Variants in RALGAPA1 observed in about 807,000 individuals in gnomAD.
The protein encoded by RALGAPA1 is ral GTPase-activating protein subunit alpha-1.
Under a neutral mutation model 269.6 loss-of-function variants are expected in RALGAPA1, and 52 were observed. That is an observed-to-expected ratio of 0.19 (90% confidence interval 0.15 to 0.24). The LOEUF (loss-of-function observed/expected upper bound fraction) is 0.24, where lower values mean the gene tolerates loss of function less well. Among genes scored for constraint, RALGAPA1 ranks in the 10% least tolerant of loss-of-function variants. RALGAPA1 has a pLI of 1.00. For missense variants in RALGAPA1, 1,917 were observed against 3,013.9 expected, an observed-to-expected ratio of 0.64 and a Z score of 8.52; for synonymous variants, 817 against 1,008.3, an observed-to-expected ratio of 0.81 and a Z score of 3.60.
intron 37 of RALGAPA1, among the ~76,000 whole-genome samples, chr14:35,588,514 T>C (rs906211270): frequency 6.6e-6 from 1 of 152,230 alleles, no homozygotes; most frequent in Non-Finnish European, 1.5e-5. Flanking sequence ...TGTTCCACTT[T>C]TAGGTTTGCA....
chr14:35,727,310 C>CAT (rs34288628), intron 13 of RALGAPA1, among the ~76,000 whole-genome samples: 8,755 of 104,162 alleles, frequency 0.084, 454 homozygotes, highest in African/African-American at 0.13. Context: ...AAAATTATGG[C>CAT]ATATATATAT....
At chr14:35,647,787 C>A (rs1378703365) in intron 31 of RALGAPA1, among the ~76,000 whole-genome samples, 1 of 149,854 alleles carries the variant, frequency 6.7e-6, no homozygotes, top group African/African-American at 2.5e-5. Flanking sequence ...ACCCCATCTC[C>A]ACTAAAAATA....
chr14:35,690,860 G>A (rs1016624722), intron 17 of RALGAPA1, among the ~76,000 whole-genome samples: 9 of 151,842 alleles, frequency 5.9e-5, no homozygotes, highest in African/African-American at 1.2e-4. Flanking sequence ...ACCTGAGGTC[G>A]GGAGTTCAAG....
chr14:35,623,722 A>G (rs970162826), intron 35 of RALGAPA1, among the ~76,000 whole-genome samples: 1 of 152,184 alleles, frequency 6.6e-6, no homozygotes, highest in African/African-American at 2.4e-5. Context: ...CTGGGACTCT[A>G]TCCTGCGGCA....
At chr14:35,556,919 A>G (rs987575837) in intron 39 of RALGAPA1, among the ~76,000 whole-genome samples, 1 of 152,202 alleles carries the variant, frequency 6.6e-6, no homozygotes, top group Non-Finnish European at 1.5e-5. Context: ...AACATTAAGT[A>G]AAAAGTTGAT....
At chr14:35,717,593 G>A (rs1217098012) in intron 16 of RALGAPA1, among the ~76,000 whole-genome samples, 2 of 151,426 alleles carry the variant, frequency 1.3e-5, no homozygotes, top group African/African-American at 4.9e-5. Context: ...CAAGAGTCTC[G>A]CTCTGCCTAG....
intron 39 of RALGAPA1, among the ~76,000 whole-genome samples, chr14:35,550,487 A>G (rs2054893097): frequency 6.6e-6 from 1 of 152,170 alleles, no homozygotes; most frequent in African/African-American, 2.4e-5. Flanking sequence ...CTAAAACTCT[A>G]GAAATTGTAG....
intron 37 of RALGAPA1, among the ~76,000 whole-genome samples, chr14:35,592,860 A>T (rs1428013440): frequency 6.6e-6 from 1 of 152,180 alleles, no homozygotes; most frequent in Non-Finnish European, 1.5e-5. Flanking sequence ...CTTCAACACA[A>T]TAAAGGTAAC....
At chr14:35,722,249 A>G (rs1190532321) in intron 15 of RALGAPA1, among the ~76,000 whole-genome samples, 1 of 152,368 alleles carries the variant, frequency 6.6e-6, no homozygotes, top group South Asian at 2.1e-4. Context: ...GTTTGAGTAC[A>G]TAATACCCTG....
chr14:35,708,350 T>A (rs1437199600), intron 16 of RALGAPA1, among the ~76,000 whole-genome samples: 1 of 152,060 alleles, frequency 6.6e-6, no homozygotes, highest in Non-Finnish European at 1.5e-5. Flanking sequence ...TTGCAAAGTA[T>A]CCATCTGACA....
intron 1 of RALGAPA1, among the ~76,000 whole-genome samples, chr14:35,801,817 C>T (rs949098423): frequency 4.6e-5 from 7 of 152,120 alleles, no homozygotes; most frequent in South Asian, 2.1e-4. Flanking sequence ...AAAAATCAAT[C>T]GATTGCTTTA....
chr14:35,775,852 T>A, intron 1 of RALGAPA1, 107 bp from the exon 2 acceptor site: 1 of 1,101,474 alleles, frequency 9.1e-7, no homozygotes, highest in Non-Finnish European at 1.2e-6. Context: ...CTCCTAAAAT[T>A]CTATTCTATT....
intron 9 of RALGAPA1, among the ~76,000 whole-genome samples, chr14:35,749,748 G>T (rs2072492866): frequency 6.6e-6 from 1 of 151,892 alleles, no homozygotes; most frequent in Non-Finnish European, 1.5e-5. Flanking sequence ...TAAACTAAGA[G>T]GAATAAAAGT....
chr14:35,611,403 G>A (rs1355501095), intron 35 of RALGAPA1, among the ~76,000 whole-genome samples: 1 of 152,102 alleles, frequency 6.6e-6, no homozygotes, highest in East Asian at 1.9e-4. Context: ...TCGGGAGGCT[G>A]AGGCAGGAGA....
chr14:35,551,668 T>A (rs1417983527), intron 39 of RALGAPA1, among the ~76,000 whole-genome samples: 5 of 152,076 alleles, frequency 3.3e-5, no homozygotes, highest in African/African-American at 1.2e-4. Context: ...ATATTTCCAA[T>A]GTAGTAAATT....
intron 3 of RALGAPA1, among the ~76,000 whole-genome samples, chr14:35,772,137 C>T (rs1392651773): frequency 6.6e-6 from 1 of 152,082 alleles, no homozygotes; most frequent in African/African-American, 2.4e-5. Flanking sequence ...CTCACCACAG[C>T]CACAAACTCA....
intron 1 of RALGAPA1, among the ~76,000 whole-genome samples, chr14:35,793,649 CACA>C (rs987289345): frequency 1.3e-5 from 2 of 152,116 alleles, no homozygotes; most frequent in Non-Finnish European, 1.5e-5. Flanking sequence ...TTTAACCAAA[CACA>C]ACAACAACAA....
chr14:35,588,948 T>C (rs2058472980), intron 37 of RALGAPA1, among the ~76,000 whole-genome samples: 1 of 152,188 alleles, frequency 6.6e-6, no homozygotes, highest in African/African-American at 2.4e-5. Flanking sequence ...AATCCTGTCA[T>C]TTATAAAAAC....
rs149656073 is a variant in RALGAPA1 at position 35,627,248 on chromosome 14, C to T, written c.6699G>A (p.Lys2233=). The change falls in exon 34 of 42, where the codon AAG becomes AAA. Residue 2233 remains lysine (K), a synonymous_variant. Transcript: ENST00000680220. ...QENDVINAIL[K]QHTEEKEFVE... is the part of the protein sequence containing the mutation. ...CAAATTCTTTTTCTTCTGTATGTTG[C>T]TTAAGGATAGCATTAATAACATCAT... 3 of 1,607,756 alleles carry T rather than the reference C, an allele frequency of 1.9e-6. No individual in the cohort carries two copies. The African/African-American group carries it at 4.0e-5, about 22-fold the overall frequency.
Sources: gnomAD v4.1 joint callset for allele counts (sites outside exome capture counted in the v4.1 genomes callset) on GRCh38, gnomAD v4.1.1 for gene constraint, MANE v1.5 for transcripts, NCBI Gene and HGNC (gene_info 2026-07-23, HGNC 2026-07-21) for gene names.